The following FBXO25 variants were observed in gnomAD, a reference collection of about 807,000 sequenced individuals.
FBXO25 encodes the protein F-box only protein 25.
FBXO25 carries 45 observed loss-of-function variants against 51.9 expected under a neutral mutation model. The observed-to-expected ratio is 0.87, with a 90% CI of 0.68 to 1.11. The LOEUF (loss-of-function observed/expected upper bound fraction) is 1.11. Among genes scored for constraint, FBXO25 ranks in the 50% most tolerant of loss-of-function variants. FBXO25 has a pLI of 0.00. For missense variants in FBXO25, 507 were observed against 428.5 expected (o/e 1.18, Z -1.62); for synonymous variants, 199 against 151.0 (o/e 1.32, Z -2.33).
rs1800438733 is a variant in FBXO25, at chr8:470,327, T to C, written c.*1523T>C. 1 of 152,130 alleles carries C rather than the reference T, an allele frequency of 6.6e-6. No individual in the cohort carries two copies. The highest frequency in any genetic ancestry group is 2.4e-5 in the African/African-American group (1 of 41,386). The allele number at this position is 152,130 out of a possible 1,614,324, so 9.4% of individuals were successfully genotyped here. A position where few individuals can be genotyped will look rare whatever the true frequency, so the allele number is the denominator to read the frequency against. On this transcript the variant is annotated 3_prime_UTR_variant, in exon 10 of 10. Coordinates refer to ENST00000350302, the MANE Select transcript of FBXO25 (RefSeq NM_183420.2). ...AAACATATTTTAAGGCTTTTAAATA[T>C]ATTTCTAGATTGTTCATGAAAAAAA...
chr8:446,860 T>G (rs1431702913), intron 5 of FBXO25, among the ~76,000 whole-genome samples: 1 of 152,120 alleles, frequency 6.6e-6, no homozygotes, highest in African/African-American at 2.4e-5. Flanking sequence ...TGTGGCTCAG[T>G]ATGTGACTTA....
At chr8:444,836 A>G (rs558894929) in intron 5 of FBXO25, among the ~76,000 whole-genome samples, 1 of 152,294 alleles carries the variant, frequency 6.6e-6, no homozygotes, top group Admixed American at 6.5e-5. Flanking sequence ...TATGTTGTAT[A>G]GGTCTGTAGC....
chr8:460,698 ACAGT>A (rs957786815), intron 8 of FBXO25, among the ~76,000 whole-genome samples: 72 of 152,372 alleles, frequency 4.7e-4, no homozygotes, highest in African/African-American at 1.4e-3. Context: ...GGTGTCACAC[ACAGT>A]CAGTGAGAAG....
chr8:473,297 G>C lies in FBXO25; in HGVS notation c.*4493G>C, dbSNP rs143773763. The C allele has an allele frequency of 2.6e-5, 4 of 152,238 alleles. No homozygotes were observed. Among genetic ancestry groups the C allele is most frequent in the Non-Finnish European group, 5.9e-5 (4 of 68,128 alleles). 9.4% of individuals were successfully genotyped at this position (152,238 alleles called of 1,614,324 possible). ...ATTTCAGCAGGAACTGCATCATTGT[G>C]TGCCTAAAAAGCCCTGGCTCACAGC... On this transcript the variant is annotated 3_prime_UTR_variant, in exon 10 of 10. Coordinates refer to ENST00000350302, the MANE Select transcript of FBXO25 (RefSeq NM_183420.2).
At chr8:436,206 A>G (rs955763932) in intron 5 of FBXO25, among the ~76,000 whole-genome samples, 13 of 152,216 alleles carry the variant, frequency 8.5e-5, no homozygotes, top group Admixed American at 5.9e-4. Context: ...AGAAATTTTT[A>G]TCTTGGGCCA....
intron 7 of FBXO25, among the ~76,000 whole-genome samples, 153 bp from the exon 8 acceptor site, chr8:458,216 T>C (rs935363897): frequency 6.6e-6 from 1 of 152,214 alleles, no homozygotes; most frequent in Non-Finnish European, 1.5e-5. Flanking sequence ...CGGTGGTGGA[T>C]GCAGGCCCCT....
rs187276210 is a variant in FBXO25 at position 447,160 on chromosome 8, G to A, written c.382-2830G>A. ...GATGTTCAACTCCAGCTTGCAGAGT[G>A]CAGAAGTTCCAGGGAGGACCACTGA... is the stretch of plus-strand genomic sequence containing the variant. On this transcript the variant is annotated intron_variant, in intron 5 of 9. Coordinates refer to ENST00000350302, the MANE Select transcript of FBXO25 (RefSeq NM_183420.2). 1.7e-3 allele frequency among the ~76,000 whole-genome samples: 254 copies of A among 152,284 alleles called. 1 individual carries two copies. The highest frequency in any genetic ancestry group is 3.8e-3 in the Admixed American group (58 of 15,302).
chr8:454,677 G>A (rs541994867), intron 7 of FBXO25, among the ~76,000 whole-genome samples: 1 of 152,092 alleles, frequency 6.6e-6, no homozygotes, highest in African/African-American at 2.4e-5. Flanking sequence ...AGATCACAAG[G>A]TCAAGAGATA....
rs1001723102 is a variant in FBXO25 at position 475,560 on chromosome 8, C to G, written c.*6756C>G. On this transcript the variant is annotated 3_prime_UTR_variant, in exon 10 of 10. Transcript: ENST00000350302. The stretch of plus-strand genomic sequence containing the variant: ...TATCCAATCCATAAACACGGGATTG[C>G]TTTCTATTTATTTGTGTTGACCTTA... 2 of 151,896 alleles carry G rather than the reference C, an allele frequency of 1.3e-5. No individual in the cohort carries two copies. The highest frequency in any genetic ancestry group is 4.8e-5 in the African/African-American group (2 of 41,248). The allele number at this position is 151,896 out of a possible 1,614,324, so 9.4% of individuals were successfully genotyped here.
At chr8:458,313 G>T (rs564601138) in intron 7 of FBXO25, 56 bp from the exon 8 acceptor site, 2 of 1,566,482 alleles carry the variant, frequency 1.3e-6, no homozygotes, top group Non-Finnish European at 1.7e-6. Context: ...TTCAGTTACT[G>T]TGTGAACAAA....
In FBXO25 at chr8:432,763, A is replaced by G. The variant is rs1797890074; in HGVS notation, c.239-123A>G. The G allele has an allele frequency of 3.2e-6, 4 of 1,234,308 alleles. No homozygotes were observed. The East Asian group carries it at 1.2e-4, about 36-fold the overall frequency. 76.5% of individuals were successfully genotyped at this position (1,234,308 alleles called of 1,614,324 possible). A position where few individuals can be genotyped will look rare whatever the true frequency, so the allele number is the denominator to read the frequency against. On this transcript the variant is annotated intron_variant, in intron 3 of 9. Transcript: ENST00000350302. Reference sequence around the variant, plus strand: ...TGTTTGCATTCACCCACGTAAAAGCATTTCTTGTCAATATAGTAAGTCAGA... The same window carrying G: ...TGTTTGCATTCACCCACGTAAAAGCGTTTCTTGTCAATATAGTAAGTCAGA...
chr8:467,764 C>G, intron 9 of FBXO25: 3 of 1,613,680 alleles, frequency 1.9e-6, no homozygotes, highest in Non-Finnish European at 1.7e-6. Context: ...CCTGTCTTGC[C>G]ACACATCCTG....
chr8:415,576 A>T (rs577910037), intron 2 of FBXO25, among the ~76,000 whole-genome samples: 1 of 152,198 alleles, frequency 6.6e-6, no homozygotes, highest in Non-Finnish European at 1.5e-5. Flanking sequence ...TAGACAGGTG[A>T]GAAATGTTGA....
intron 5 of FBXO25, among the ~76,000 whole-genome samples, chr8:441,660 C>T (rs1424656945): frequency 2.0e-5 from 3 of 152,006 alleles, no homozygotes; most frequent in Non-Finnish European, 4.4e-5. Flanking sequence ...AGAACTTAAA[C>T]AAATTTACAA....
chr8:459,875 T>G (rs556262966), intron 8 of FBXO25, among the ~76,000 whole-genome samples: 5 of 152,274 alleles, frequency 3.3e-5, no homozygotes, highest in African/African-American at 1.2e-4. Context: ...GAGAGATTAA[T>G]AGGACAAAGA....
chr8:438,584 T>C (rs1240038881), intron 5 of FBXO25, among the ~76,000 whole-genome samples: 1 of 152,214 alleles, frequency 6.6e-6, no homozygotes, highest in Non-Finnish European at 1.5e-5. Flanking sequence ...CCAGATGTCC[T>C]GTTGGAGGCA....
intron 1 of FBXO25, among the ~76,000 whole-genome samples, chr8:409,419 A>G (rs957363003): frequency 4.6e-5 from 7 of 152,220 alleles, no homozygotes; most frequent in South Asian, 2.1e-4. Context: ...TAAAAAATCA[A>G]ACTTATCAGC....
intron 9 of FBXO25, among the ~76,000 whole-genome samples, chr8:463,557 C>T (rs1192080511): frequency 6.6e-6 from 1 of 152,214 alleles, no homozygotes; most frequent in Non-Finnish European, 1.5e-5. Context: ...TTTATGTCCC[C>T]ACCGACTCTG....
At chr8:415,478 A>G (rs17812876) in intron 2 of FBXO25, among the ~76,000 whole-genome samples, 15,492 of 152,206 alleles carry the variant, frequency 0.1, 933 homozygotes, top group South Asian at 0.18. Context: ...TGACCTAAGT[A>G]AGCCTTTTAT....
Sources: allele counts gnomAD v4.1 joint callset (sites outside exome capture counted in the v4.1 genomes callset), GRCh38; gene constraint gnomAD v4.1.1; transcripts MANE v1.5; gene names NCBI Gene and HGNC (gene_info 2026-07-23, HGNC 2026-07-21).